The following BICRAL variants were observed in gnomAD, a reference collection of about 807,000 sequenced individuals.
BICRAL encodes BRD4-interacting chromatin-remodeling complex-associated protein-like.
Under a neutral mutation model 91.8 loss-of-function variants are expected in BICRAL, and 8 were observed. The ratio of observed to expected loss-of-function variants is 0.09; its 90% CI spans 0.05 to 0.16. The LOEUF is 0.16. Ranked by LOEUF, BICRAL falls within the 10% of genes least tolerant of loss-of-function variation. The pLI is 1.00. For missense variants in BICRAL, 1,038 were observed against 1,310.9 expected (o/e 0.79, Z 3.21); for synonymous variants, 445 against 491.1 (o/e 0.91, Z 1.24).
At chr6:42,789,696 T>C (rs149708795) in intron 1 of BICRAL, among the ~76,000 whole-genome samples, 64 of 152,052 alleles carry the variant, frequency 4.2e-4, no homozygotes, top group Admixed American at 2.1e-3. Flanking sequence ...AGAGGTGTTA[T>C]TTGCATATGG....
intron 1 of BICRAL, among the ~76,000 whole-genome samples, chr6:42,792,647 C>T (rs1268916067): frequency 9.1e-5 from 4 of 43,746 alleles, no homozygotes; most frequent in Non-Finnish European, 1.3e-4. Flanking sequence ...AGTGTGGTGG[C>T]TTATGCTTGT....
chr6:42,765,657 T>C (rs77067784), intron 1 of BICRAL, among the ~76,000 whole-genome samples: 1,648 of 152,298 alleles, frequency 0.011, 28 homozygotes, highest in African/African-American at 0.037. Flanking sequence ...AAGGAAAATA[T>C]AGGCTCTTGA....
In BICRAL at chr6:42,865,802, T is replaced by C. The variant is rs186115440; in HGVS notation, c.*356T>C. The C allele has an allele frequency of 1.5e-4, 27 of 181,302 alleles. No individual in the cohort carries two copies. The highest frequency in any genetic ancestry group is 4.6e-5 in the Non-Finnish European group (4 of 87,056). 11.2% of individuals were successfully genotyped at this position (181,302 alleles called of 1,614,324 possible). On this transcript the variant is annotated 3_prime_UTR_variant, in exon 13 of 13. Coordinates refer to ENST00000314073, the MANE Select transcript of BICRAL (RefSeq NM_001393499.1). ...ACAGTATACTTGGCCCTTGGTAAAA[T>C]TTTGACAATCATAAGTCATTTGAAA... is the stretch of plus-strand genomic sequence containing the variant.
intron 2 of BICRAL, among the ~76,000 whole-genome samples, chr6:42,819,809 C>T (rs1764090065): frequency 6.6e-6 from 1 of 152,044 alleles, no homozygotes; most frequent in Non-Finnish European, 1.5e-5. Flanking sequence ...AAGCAGAATT[C>T]TCAGGGTGCC....
intron 10 of BICRAL, among the ~76,000 whole-genome samples, chr6:42,858,527 A>AAG (rs1765455915): frequency 6.7e-6 from 1 of 149,806 alleles, no homozygotes; most frequent in African/African-American, 2.5e-5. Context: ...AAAAAAAAAA[A>AAG]AAAAAAAAGG....
At chr6:42,811,585 C>T (rs1763845432) in intron 2 of BICRAL, among the ~76,000 whole-genome samples, 1 of 150,914 alleles carries the variant, frequency 6.6e-6, no homozygotes, top group South Asian at 2.1e-4. Context: ...TGCGCCACTG[C>T]ACTCCAGCCT....
In BICRAL at chr6:42,857,481, A is replaced by C. The variant is rs1765404720; in HGVS notation, c.2254+245A>C. Among the ~76,000 whole-genome samples, 2 of 151,732 alleles carry C rather than the reference A, an allele frequency of 1.3e-5. 1 individual carries two copies. The highest frequency in any genetic ancestry group is 4.2e-4 in the South Asian group (2 of 4,810). ...CACACACCTGTAGTCCCAGCTACTCAGAAGGCTAAAGCAAGAAGATCATGT... is the reference window on the plus strand; with the variant it reads ...CACACACCTGTAGTCCCAGCTACTCCGAAGGCTAAAGCAAGAAGATCATGT... On this transcript the variant is annotated intron_variant, in intron 10 of 12. Coordinates refer to ENST00000314073, the MANE Select transcript of BICRAL (RefSeq NM_001393499.1).
chr6:42,864,167 CAA>C (rs113036268), intron 12 of BICRAL, among the ~76,000 whole-genome samples: 16 of 124,898 alleles, frequency 1.3e-4, no homozygotes, highest in Middle Eastern at 3.8e-3. Flanking sequence ...AACTCCGTCT[CAA>C]AAAAAAAAAA....
chr6:42,775,152 T>C (rs1343015433), intron 1 of BICRAL, among the ~76,000 whole-genome samples: 1 of 152,162 alleles, frequency 6.6e-6, no homozygotes, highest in East Asian at 1.9e-4. Context: ...AGGCTGGTCT[T>C]GAACAATCCT....
intron 10 of BICRAL, among the ~76,000 whole-genome samples, chr6:42,859,443 G>A (rs2114038784): frequency 6.6e-6 from 1 of 151,334 alleles, no homozygotes; most frequent in African/African-American, 2.4e-5. Flanking sequence ...GAATGAATTA[G>A]AAGGTGTTCA....
chr6:42,840,145 C>T (rs1305338155), intron 6 of BICRAL, among the ~76,000 whole-genome samples: 1 of 152,190 alleles, frequency 6.6e-6, no homozygotes, highest in Non-Finnish European at 1.5e-5. Flanking sequence ...AAGTGATTCT[C>T]CCACCTCAGC....
At chr6:42,852,546 C>T in intron 7 of BICRAL, 3 of 388,420 alleles carry the variant, frequency 7.7e-6, no homozygotes, top group South Asian at 3.8e-5. Flanking sequence ...CCCGTAATCC[C>T]AGCTACTCAG....
chr6:42,852,295 C>T lies in BICRAL; in HGVS notation c.1945+98C>T, dbSNP rs775392335. On this transcript the variant is annotated intron_variant, in intron 7 of 12. Coordinates refer to ENST00000314073, the MANE Select transcript of BICRAL (RefSeq NM_001393499.1). ...CTGCACGAAAGCTTTCTGGCTTAAT[C>T]TCGTCTCCACTCCGATTATTCCTTT... The T allele has an allele frequency of 2.1e-5, 16 of 746,386 alleles. No individual in the cohort carries two copies. In the Middle Eastern group the frequency reaches 9.0e-4, roughly 42 times the overall value. The allele number at this position is 746,386 out of a possible 1,614,324, so 46.2% of individuals were successfully genotyped here.
chr6:42,790,348 T>TC (rs2113876160), intron 1 of BICRAL, among the ~76,000 whole-genome samples: 1 of 146,534 alleles, frequency 6.8e-6, no homozygotes, highest in East Asian at 2.0e-4. Flanking sequence ...TTTTTTTTTT[T>TC]TTTTTTTGTA....
chr6:42,777,407 C>G (rs1762821763), upstream of BICRAL, among the ~76,000 whole-genome samples: 1 of 152,184 alleles, frequency 6.6e-6, no homozygotes, highest in African/African-American at 2.4e-5. Flanking sequence ...GAACCCAGGT[C>G]AGTCTGAATA....
chr6:42,817,681 C>T (rs1764030849), intron 2 of BICRAL, among the ~76,000 whole-genome samples: 1 of 151,990 alleles, frequency 6.6e-6, no homozygotes, highest in Non-Finnish European at 1.5e-5. Flanking sequence ...GGTCTCACTA[C>T]ATTGCCAAGC....
At chr6:42,763,574 A>C (rs1762587905) in intron 1 of BICRAL, among the ~76,000 whole-genome samples, 10 of 152,150 alleles carry the variant, frequency 6.6e-5, no homozygotes. Flanking sequence ...TAATTTCAGC[A>C]CTTTGGGAGG....
chr6:42,747,805 G>GTTTTTTTTTTTT (rs56209754), intron 1 of BICRAL, among the ~76,000 whole-genome samples: 16 of 125,302 alleles, frequency 1.3e-4, no homozygotes, highest in African/African-American at 2.7e-4. Context: ...GTTTTATTTT[G>GTTTTTTTTTTTT]TTTTTTTTTT....
chr6:42,768,951 A>G (rs908366826), intron 1 of BICRAL, among the ~76,000 whole-genome samples: 2 of 152,228 alleles, frequency 1.3e-5, no homozygotes, highest in Non-Finnish European at 2.9e-5. Context: ...AAAACAAAAT[A>G]GTAGTAAAGA....
Sources: gnomAD v4.1 joint callset for allele counts (sites outside exome capture counted in the v4.1 genomes callset) on GRCh38, gnomAD v4.1.1 for gene constraint, MANE v1.5 for transcripts, NCBI Gene and HGNC (gene_info 2026-07-23, HGNC 2026-07-21) for gene names.